The following JAK1 variants were observed in gnomAD, a reference collection of about 807,000 sequenced individuals.
JAK1 encodes the protein tyrosine-protein kinase JAK1.
A neutral mutation model predicts 136.6 loss-of-function variants in JAK1; 16 were observed. The observed-to-expected ratio is 0.12, with a 90% CI of 0.08 to 0.18. JAK1 has a LOEUF of 0.18. Ranked by LOEUF, JAK1 falls within the 10% of genes least tolerant of loss-of-function variation. The pLI, the probability that JAK1 is intolerant of heterozygous loss-of-function variation, is 1.00. For synonymous variants in JAK1, 492 were observed against 519.5 expected, an observed-to-expected ratio of 0.95 and a Z score of 0.72; for missense variants, 859 against 1,450.1, an observed-to-expected ratio of 0.59 and a Z score of 6.62.
intron 2 of JAK1, among the ~76,000 whole-genome samples, chr1:65,007,551 C>T (rs552100587): frequency 6.6e-6 from 1 of 152,258 alleles, no homozygotes; most frequent in South Asian, 2.1e-4. Flanking sequence ...ACCTCCACCT[C>T]CCATGTTCAA....
rs957643559 is a variant in JAK1 at position 64,904,759 on chromosome 1, A to C, written c.-77-18418T>G. On this transcript the variant is annotated intron_variant, in intron 1 of 24. Transcript: ENST00000342505. ...CACACACATATATACACACACACAC[A>C]CCCTATAAAATTGGATAAACACAAG... Among the ~76,000 whole-genome samples, 3 of 151,912 alleles carry C rather than the reference A, an allele frequency of 2.0e-5. No individual in the cohort carries two copies. The East Asian group carries it at 5.8e-4, about 29-fold the overall frequency.
At chr1:65,043,055 T>C (rs1169068142) in intron 2 of JAK1, among the ~76,000 whole-genome samples, 1 of 152,198 alleles carries the variant, frequency 6.6e-6, no homozygotes, top group Non-Finnish European at 1.5e-5. Context: ...ACAATATGAA[T>C]GACAGGTGGT....
rs931001997 is a variant in JAK1 at position 65,004,354 on chromosome 1, C to T, written c.-78+40126G>A. ...CCAAGATGATATGGAAAATACCAAG[C>T]TCCCACTAACCTTACTTTTGTAAGT... On this transcript the variant is annotated intron_variant, in intron 2 of 25. Coordinates refer to the JAK1 transcript ENST00000671954. 4.6e-5 allele frequency among the ~76,000 whole-genome samples: 7 copies of T among 152,326 alleles called. No individual in the cohort carries two copies. The South Asian group carries it at 1.2e-3, about 27-fold the overall frequency.
In JAK1 at chr1:64,838,696, G is replaced by A. The variant is rs191423554; in HGVS notation, c.2843-107C>T. On this transcript the variant is annotated intron_variant, in intron 20 of 24. Transcript: ENST00000342505. Reference sequence around the variant, plus strand: ...GAGGCCCTGAGGTGACGCCAGCTTCGCCCCTTCATTACAGGCATGTTACTT... The same window carrying A: ...GAGGCCCTGAGGTGACGCCAGCTTCACCCCTTCATTACAGGCATGTTACTT... 530 of 1,082,314 alleles carry A rather than the reference G, an allele frequency of 4.9e-4. 5 individuals carry two copies. The African/African-American group carries it at 7.3e-3, about 15-fold the overall frequency. The allele number at this position is 1,082,314 out of a possible 1,614,324, so 67.0% of individuals were successfully genotyped here.
intron 8 of JAK1, among the ~76,000 whole-genome samples, chr1:64,863,116 C>T (rs553781269): frequency 7.1e-6 from 1 of 141,772 alleles, no homozygotes; most frequent in Non-Finnish European, 1.5e-5. Flanking sequence ...GCATATAACA[C>T]GGGGCCTAAT....
chr1:65,045,460 T>A (rs908078583), intron 1 of JAK1, among the ~76,000 whole-genome samples: 1 of 152,142 alleles, frequency 6.6e-6, no homozygotes, highest in Non-Finnish European at 1.5e-5. Context: ...TCAAAAACCT[T>A]CTCTGTGATG....
intron 2 of JAK1, chr1:64,993,286 C>T (rs1440450867): frequency 6.6e-6 from 1 of 152,234 alleles, no homozygotes; most frequent in East Asian, 1.9e-4. Context: ...GTCCTATATT[C>T]ATTCTTGGCT....
At chr1:64,917,764 G>A (rs905816344) in intron 1 of JAK1, among the ~76,000 whole-genome samples, 3 of 152,180 alleles carry the variant, frequency 2.0e-5, no homozygotes, top group Non-Finnish European at 4.4e-5. Context: ...ATAAGCCAGG[G>A]TGGAGCAGCA....
At chr1:65,010,919 T>C (rs904025) in intron 2 of JAK1, among the ~76,000 whole-genome samples, 11,353 of 152,114 alleles carry the variant, frequency 0.075, 748 homozygotes, top group East Asian at 0.31. Flanking sequence ...TCCAGCCACT[T>C]TGTGGCTGTA....
At chr1:64,896,458 G>A (rs1645014780) in intron 1 of JAK1, among the ~76,000 whole-genome samples, 1 of 152,170 alleles carries the variant, frequency 6.6e-6, no homozygotes, top group African/African-American at 2.4e-5. Flanking sequence ...GAAGACTGAA[G>A]GATAATTTGC....
At chr1:64,960,531 G>A (rs1646264659) in intron 1 of JAK1, among the ~76,000 whole-genome samples, 1 of 152,142 alleles carries the variant, frequency 6.6e-6, no homozygotes, top group Non-Finnish European at 1.5e-5. Flanking sequence ...ATGTGATTTA[G>A]TCTCCTACAG....
intron 10 of JAK1, 93 bp downstream of exon 10, chr1:64,857,563 C>G (rs1296969258): frequency 6.6e-7 from 1 of 1,508,374 alleles, no homozygotes; most frequent in Non-Finnish European, 9.0e-7. Context: ...TCCACCCTGC[C>G]AAGGGTGGTT....
chr1:64,927,417 T>C (rs1375979808), intron 1 of JAK1, among the ~76,000 whole-genome samples: 1 of 152,212 alleles, frequency 6.6e-6, no homozygotes, highest in Non-Finnish European at 1.5e-5. Context: ...TCAATAAATA[T>C]CTGTTGAATA....
At chr1:65,014,736 G>C (rs1646878618) in intron 2 of JAK1, among the ~76,000 whole-genome samples, 1 of 150,824 alleles carries the variant, frequency 6.6e-6, no homozygotes, top group South Asian at 2.1e-4. Context: ...CCAGGCTGGA[G>C]TGCAGTGGCG....
chr1:64,935,646 C>A (rs539825363), intron 1 of JAK1, among the ~76,000 whole-genome samples: 1 of 152,336 alleles, frequency 6.6e-6, no homozygotes, highest in East Asian at 1.9e-4. Flanking sequence ...GTCCTCTTTC[C>A]TCCTACTCAG....
chr1:65,040,186 G>A (rs977389729), intron 2 of JAK1, among the ~76,000 whole-genome samples: 1 of 151,154 alleles, frequency 6.6e-6, no homozygotes, highest in Admixed American at 6.6e-5. Flanking sequence ...CCACACTCCA[G>A]CCTGGGCAAC....
chr1:64,994,974 A>AAAAAACAAAAAAAAC lies in JAK1; in HGVS notation c.-78+49505_-78+49506insGTTTTTTTTGTTTTT, dbSNP rs1553179507. On this transcript the variant is annotated intron_variant, in intron 2 of 25. Coordinates refer to the JAK1 transcript ENST00000671954. ...TAATTCCTAAACTGCAAAAAAAAAA[A>AAAAAACAAAAAAAAC]AAAAAAACCTACCCAGAATCCAGCA... 1,122 of 151,630 alleles carry AAAAAACAAAAAAAAC rather than the reference A, an allele frequency of 7.4e-3. 21 individuals are homozygous for AAAAAACAAAAAAAAC. The highest frequency in any genetic ancestry group is 0.025 in the African/African-American group (1,035 of 41,014). The allele number at this position is 151,630 out of a possible 1,614,324, so 9.4% of individuals were successfully genotyped here.
chr1:64,928,786 A>AAAAAAAAAG (rs1239449330), intron 1 of JAK1, among the ~76,000 whole-genome samples: 1 of 117,912 alleles, frequency 8.5e-6, no homozygotes, highest in Non-Finnish European at 1.6e-5. Context: ...TGCAAAAAAA[A>AAAAAAAAAG]AAAAAAAAAA....
chr1:64,922,172 A>T (rs1335958615), intron 1 of JAK1, among the ~76,000 whole-genome samples: 1 of 151,872 alleles, frequency 6.6e-6, no homozygotes, highest in African/African-American at 2.4e-5. Flanking sequence ...CAACAACAAC[A>T]CTACTAAATG....
Sources: gnomAD v4.1 joint callset for allele counts (sites outside exome capture counted in the v4.1 genomes callset) on GRCh38, gnomAD v4.1.1 for gene constraint, MANE v1.5 for transcripts, NCBI Gene and HGNC (gene_info 2026-07-23, HGNC 2026-07-21) for gene names.